The following INSR variants were observed in gnomAD, a reference collection of about 807,000 sequenced individuals.
INSR encodes the protein insulin receptor, also known as IR.
In INSR, 67 loss-of-function variants were observed where a neutral mutation model predicts 142.6. The observed-to-expected ratio is 0.47, with a 90% CI of 0.39 to 0.58. INSR has a LOEUF of 0.58. Ranked by LOEUF, INSR falls within the 20% of genes least tolerant of loss-of-function variation. The probability of loss-of-function intolerance (pLI) is 0.00; values close to 1 mark genes in which losing one functional copy is unlikely to be tolerated. For missense variants in INSR, 1,248 were observed against 1,833.2 expected, an observed-to-expected ratio of 0.68 and a Z score of 5.83; for synonymous variants, 756 against 743.1, an observed-to-expected ratio of 1.02 and a Z score of -0.28.
chr19:7,213,350 A>C (rs1266651683), intron 2 of INSR, among the ~76,000 whole-genome samples: 2 of 148,316 alleles, frequency 1.3e-5, no homozygotes, highest in Non-Finnish European at 3.0e-5. Context: ...TCAAAAAAAA[A>C]AAAAAAAAAC....
chr19:7,125,396 C>T lies in INSR; in HGVS notation c.3145G>A (p.Glu1049Lys). ...TTCACCGCCACGCGGGTCTCTGCCTCACCCTTGATGATGTCCCTGGCATTG... is the reference window on the plus strand; with the variant it reads ...TTCACCGCCACGCGGGTCTCTGCCTTACCCTTGATGATGTCCCTGGCATTG... The part of the protein sequence containing the change: ...EGNARDIIKG[E>K]AETRVAVKTV... Residue 1049 changes from glutamate to lysine, a missense_variant, in exon 17 of 22, where the codon GAG becomes AAG. Glu to Lys is a moderately conservative substitution (Grantham distance 56). Coordinates refer to ENST00000302850, the MANE Select transcript of INSR (RefSeq NM_000208.4). The surrounding 1 kb of genome is among the most constrained non-coding windows in gnomAD (Gnocchi z 4.9). The T allele has an allele frequency of 6.2e-7, 1 of 1,614,178 alleles. No individual in the cohort carries two copies. The highest frequency in any genetic ancestry group is 8.5e-7 in the Non-Finnish European group (1 of 1,180,024).
chr19:7,174,985 G>A (rs1974104592), intron 3 of INSR, among the ~76,000 whole-genome samples: 1 of 152,020 alleles, frequency 6.6e-6, no homozygotes, highest in Admixed American at 6.6e-5. Flanking sequence ...TGGGATTATA[G>A]GTGCCCGCCA....
At chr19:7,208,424 G>C (rs1018077285) in intron 2 of INSR, among the ~76,000 whole-genome samples, 1 of 149,974 alleles carries the variant, frequency 6.7e-6, no homozygotes, top group Non-Finnish European at 1.5e-5. Context: ...TTAGCAACCG[G>C]AAAAAAAAAA....
chr19:7,221,726 A>AT (rs746984181), intron 2 of INSR, among the ~76,000 whole-genome samples: 2 of 151,340 alleles, frequency 1.3e-5, no homozygotes, highest in Non-Finnish European at 2.9e-5. Context: ...AAAAAAAGAG[A>AT]TCCCTCCTTT....
At chr19:7,153,367 CCACACACACCATACACGCACCA>C (rs1973488354) in intron 9 of INSR, among the ~76,000 whole-genome samples, 1 of 1,162 alleles carries the variant, frequency 8.6e-4, no homozygotes, top group Admixed American at 0.011. Context: ...ACCACACACC[CCACACACACCATACACGCACCA>C]CACACACACC....
chr19:7,184,716 C>G, intron 2 of INSR, 79 bp from the exon 3 acceptor site: 1 of 1,097,138 alleles, frequency 9.1e-7, no homozygotes. Context: ...ATGGCTTTGT[C>G]CAATTCCTGT....
chr19:7,170,548 T>C lies in INSR; in HGVS notation c.1472A>G (p.Asp491Gly), dbSNP rs1233574107. ...GACCAGTGACTTACAGGATGCCTGGTCCCCATTGGTCTTCAGGGCAATGTC... is the reference window on the plus strand; with the variant it reads ...GACCAGTGACTTACAGGATGCCTGGCCCCCATTGGTCTTCAGGGCAATGTC... ...RNDIALKTNG[D>G]QASCENELLK... The change falls in exon 6 of 22, where the codon GAC becomes GGC. Residue 491 changes from aspartate (D) to glycine (G), a missense_variant. Transcript: ENST00000302850. 6.2e-7 allele frequency: 1 copy of C among 1,612,494 alleles called. No homozygotes were observed. The highest frequency in any genetic ancestry group is 2.2e-5 in the East Asian group (1 of 44,870).
At chr19:7,219,550 G>C (rs571313627) in intron 2 of INSR, among the ~76,000 whole-genome samples, 18 of 97,906 alleles carry the variant, frequency 1.8e-4, no homozygotes, top group African/African-American at 6.3e-4. Flanking sequence ...GGGAGGGAGG[G>C]AAGGGGGAGA....
intron 2 of INSR, among the ~76,000 whole-genome samples, chr19:7,229,591 A>G (rs1288727306): frequency 2.0e-5 from 3 of 152,018 alleles, no homozygotes; most frequent in Non-Finnish European, 4.4e-5. Flanking sequence ...GACTTCACAT[A>G]CAATCAACCC....
In INSR at chr19:7,119,196, T is replaced by C. The variant is rs894782403; in HGVS notation, c.3794+253A>G. ...TATAATATGCAAACATAAATACCTA[T>C]GTAAATATATAATATGCAAACGTAA... On this transcript the variant is annotated intron_variant, in intron 21 of 21. Coordinates refer to ENST00000302850, the MANE Select transcript of INSR (RefSeq NM_000208.4). The surrounding 1 kb of genome is among the most constrained non-coding windows in gnomAD (Gnocchi z 5.2). Among the ~76,000 whole-genome samples, 3 of 152,186 alleles carry C rather than the reference T, an allele frequency of 2.0e-5. No individual in the cohort carries two copies. The highest frequency in any genetic ancestry group is 7.2e-5 in the African/African-American group (3 of 41,428).
chr19:7,176,965 T>G (rs1974148332), intron 3 of INSR, among the ~76,000 whole-genome samples: 1 of 152,138 alleles, frequency 6.6e-6, no homozygotes, highest in East Asian at 1.9e-4. Flanking sequence ...TGCTGTTCTG[T>G]GTGGGATGTG....
intron 2 of INSR, among the ~76,000 whole-genome samples, chr19:7,211,891 T>C (rs1555753112): frequency 7.0e-6 from 1 of 141,932 alleles, no homozygotes; most frequent in Non-Finnish European, 1.5e-5. Flanking sequence ...CTACACGCCT[T>C]CTCCTTGTAT....
rs1967961818 is a variant in INSR, at chr19:7,272,754, TTTG to T, written c.101-4861_101-4859del. Among the ~76,000 whole-genome samples, 3 of 152,214 alleles carry T rather than the reference TTTG, an allele frequency of 2.0e-5. No homozygotes were observed. The South Asian group carries it at 6.2e-4, about 32-fold the overall frequency. Reference sequence around the variant, plus strand: ...CACCACCATGCCCAGCTAATTTAAATTTGTTTTGTAGAGATAGTGGTCTCTCTA... The same window carrying T: ...CACCACCATGCCCAGCTAATTTAAATTTTTGTAGAGATAGTGGTCTCTCTA... On this transcript the variant is annotated intron_variant, in intron 1 of 21. Transcript: ENST00000302850.
At position 7,230,668 on chromosome 19, in the gene INSR, G is replaced by C. The variant is rs149967161; in HGVS notation, c.652+36677C>G. 2.5e-3 allele frequency among the ~76,000 whole-genome samples: 376 copies of C among 152,190 alleles called. 2 individuals carry two copies. Among genetic ancestry groups the C allele is most frequent in the African/African-American group, 8.5e-3 (354 of 41,526 alleles). ...CTAAAAATACAAAAATTAGCCGGGT[G>C]TGGTGGCGGGCATCTGCAATCCCAG... On this transcript the variant is annotated intron_variant, in intron 2 of 21. Coordinates refer to ENST00000302850, the MANE Select transcript of INSR (RefSeq NM_000208.4).
chr19:7,186,717 T>C (rs994459028), intron 2 of INSR, among the ~76,000 whole-genome samples: 1 of 152,100 alleles, frequency 6.6e-6, no homozygotes, highest in Non-Finnish European at 1.5e-5. Flanking sequence ...TTTATTTTTA[T>C]TTTTTGAGAT....
intron 2 of INSR, among the ~76,000 whole-genome samples, chr19:7,232,890 T>C (rs986354177): frequency 2.0e-5 from 3 of 152,166 alleles, no homozygotes; most frequent in African/African-American, 7.2e-5. Flanking sequence ...AGCTGCAATA[T>C]AACTACAATG....
intron 17 of INSR, 48 bp from the exon 18 acceptor site, chr19:7,123,037 C>T (rs371265376): frequency 1.4e-6 from 2 of 1,389,054 alleles, no homozygotes; most frequent in African/African-American, 2.9e-5. Context: ...CGTGATTCGA[C>T]TCACCAGGGT....
intron 1 of INSR, among the ~76,000 whole-genome samples, chr19:7,288,698 C>T (rs1052435951): frequency 6.8e-6 from 1 of 147,498 alleles, no homozygotes; most frequent in Admixed American, 6.8e-5. Flanking sequence ...CACGGTGGCT[C>T]ATGCCCGTAA....
rs770546544 is a variant in INSR, at chr19:7,117,032, C to G, written c.*24G>C. Reference sequence around the variant, plus strand: ...GGAAAGCGAAAATGGGAACCCCTGCCCGCCCCCGCCACGGTAGGCACTGTT... The same window carrying G: ...GGAAAGCGAAAATGGGAACCCCTGCGCGCCCCCGCCACGGTAGGCACTGTT... On this transcript the variant is annotated 3_prime_UTR_variant, in exon 22 of 22. Coordinates refer to ENST00000302850, the MANE Select transcript of INSR (RefSeq NM_000208.4). 1 of 1,593,410 alleles carries G rather than the reference C, an allele frequency of 6.3e-7. No individual in the cohort carries two copies. The highest frequency in any genetic ancestry group is 2.2e-5 in the East Asian group (1 of 44,776).
Sources: allele counts gnomAD v4.1 joint callset (sites outside exome capture counted in the v4.1 genomes callset), GRCh38; gene constraint gnomAD v4.1.1; non-coding constraint Gnocchi (gnomAD v3.1); transcripts MANE v1.5; gene names NCBI Gene and HGNC (gene_info 2026-07-23, HGNC 2026-07-21).